COL4A1: variants seen among roughly 807,000 people sequenced by gnomAD.
The protein encoded by COL4A1 is collagen type IV alpha 1 chain.
Under a neutral mutation model 216.6 loss-of-function variants are expected in COL4A1, and 40 were observed. The ratio of observed to expected loss-of-function variants is 0.18; its 90% CI spans 0.14 to 0.24. The LOEUF (loss-of-function observed/expected upper bound fraction) is 0.24. Ranked by LOEUF, COL4A1 falls within the 10% of genes least tolerant of loss-of-function variation. COL4A1 has a pLI of 1.00. For missense variants in COL4A1, 1,628 were observed against 2,196.8 expected, an observed-to-expected ratio of 0.74 and a Z score of 5.18; for synonymous variants, 839 against 810.7, an observed-to-expected ratio of 1.03 and a Z score of -0.59.
intron 1 of COL4A1, among the ~76,000 whole-genome samples, chr13:110,252,854 C>A (rs1211088360): frequency 8.2e-6 from 1 of 121,710 alleles, no homozygotes; most frequent in Non-Finnish European, 1.6e-5. Context: ...ACTATAAGTA[C>A]GTATGTATTA....
intron 41 of COL4A1, among the ~76,000 whole-genome samples, chr13:110,172,247 G>GCTCTC (rs986942721): frequency 2.6e-5 from 4 of 152,222 alleles, no homozygotes; most frequent in Admixed American, 2.0e-4. Flanking sequence ...GAAATGCTCA[G>GCTCTC]CTCTCTGAGA....
chr13:110,253,957 C>T lies in COL4A1; in HGVS notation c.85-11223G>A, dbSNP rs1383286777. ...GAAGGTTTGTAAAAGAAATGCGCTACAGGTTGAATATTCCTAACCCCAAAA... is the reference window on the plus strand; with the variant it reads ...GAAGGTTTGTAAAAGAAATGCGCTATAGGTTGAATATTCCTAACCCCAAAA... On this transcript the variant is annotated intron_variant, in intron 1 of 51. Coordinates refer to ENST00000375820, the MANE Select transcript of COL4A1 (RefSeq NM_001845.6). 2.0e-5 allele frequency among the ~76,000 whole-genome samples: 3 copies of T among 152,038 alleles called. No homozygotes were observed. The South Asian group carries it at 6.2e-4, about 32-fold the overall frequency.
At chr13:110,258,426 G>A (rs551920973) in intron 1 of COL4A1, among the ~76,000 whole-genome samples, 2 of 152,284 alleles carry the variant, frequency 1.3e-5, no homozygotes, top group African/African-American at 4.8e-5. Flanking sequence ...TGTAGTCCCA[G>A]ATACTCGGGC....
chr13:110,191,964 G>A (rs910682069), intron 24 of COL4A1, among the ~76,000 whole-genome samples: 1 of 152,188 alleles, frequency 6.6e-6, no homozygotes, highest in African/African-American at 2.4e-5. Context: ...ACACAGGTCG[G>A]CAGCAGCCGA....
chr13:110,183,059 G>T lies in COL4A1; in HGVS notation c.2029C>A (p.Leu677Met). 6.2e-7 allele frequency: 1 copy of T among 1,613,378 alleles called. No individual in the cohort carries two copies. The highest frequency in any genetic ancestry group is 1.7e-5 in the Admixed American group (1 of 59,974). ...GFPGTPGRPG[L>M]PGEKGAVGQP... is the part of the protein sequence containing the mutation. ...CCCACAGCGCCCTTCTCTCCTGGCA[G>T]GCCTGGCCTTCCTGGGGTTCCGGGA... is the stretch of plus-strand genomic sequence containing the variant. The change falls in exon 28 of 52, where the codon CTG (leucine) becomes ATG (methionine). Residue 677 changes from leucine to methionine, a missense_variant. Physicochemically the swap from Leu to Met is conservative, Grantham distance 15. Transcript: ENST00000375820.
intron 49 of COL4A1, among the ~76,000 whole-genome samples, chr13:110,157,537 C>T (rs117521826): frequency 6.6e-6 from 1 of 152,296 alleles, no homozygotes; most frequent in Admixed American, 6.5e-5. Context: ...AGCCTCTCTA[C>T]GAGAGGGAAG....
chr13:110,177,915 C>G lies in COL4A1; in HGVS notation c.2643G>C (p.Met881Ile). Residue 881 changes from methionine (M) to isoleucine (I), a missense_variant, in exon 33 of 52, where the codon ATG becomes ATC. Physicochemically the swap from Met to Ile is conservative, Grantham distance 10. Around this residue, in one of 8 missense-constraint regions of COL4A1, gnomAD observed 701 missense variants for 892.5 expected, o/e 0.79. Transcript: ENST00000375820. The part of the protein sequence containing the change: ...IPGFPGSKGE[M>I]GVMGTPGQPG... The stretch of plus-strand genomic sequence containing the variant: ...GCTGCCCGGGGGTCCCCATGACGCC[C>G]ATTTCTCCCTTGGAACCTGTGGCCA... The G allele has an allele frequency of 6.2e-7, 1 of 1,614,148 alleles. No individual in the cohort carries two copies. Among genetic ancestry groups the G allele is most frequent in the Non-Finnish European group, 8.5e-7 (1 of 1,180,024 alleles).
chr13:110,160,731 C>G (rs1392995216), intron 49 of COL4A1, among the ~76,000 whole-genome samples: 1 of 152,148 alleles, frequency 6.6e-6, no homozygotes, highest in Non-Finnish European at 1.5e-5. Flanking sequence ...CTTTTTGAGA[C>G]AGGTTCTCAC....
chr13:110,273,249 G>A (rs1468447346), intron 1 of COL4A1, among the ~76,000 whole-genome samples: 1 of 152,216 alleles, frequency 6.6e-6, no homozygotes, highest in Non-Finnish European at 1.5e-5. Flanking sequence ...ATGGAGAAAA[G>A]TGGAGAAGGT....
At chr13:110,220,620 C>G (rs1880428032) in intron 2 of COL4A1, among the ~76,000 whole-genome samples, 1 of 152,132 alleles carries the variant, frequency 6.6e-6, no homozygotes. Context: ...CTTGTCCTGC[C>G]TCTTCTAAAG....
chr13:110,254,434 T>G (rs1028995150), intron 1 of COL4A1, among the ~76,000 whole-genome samples: 1 of 152,172 alleles, frequency 6.6e-6, no homozygotes, highest in African/African-American at 2.4e-5. Context: ...GGCTTTGCTC[T>G]GAGGAAGACA....
rs545031836 is a variant in COL4A1, at chr13:110,209,529, T to C, written c.616-102A>G. 107 of 902,388 alleles carry C rather than the reference T, an allele frequency of 1.2e-4. No individual in the cohort carries two copies. The South Asian group carries it at 1.6e-3, about 13-fold the overall frequency. 55.9% of individuals were successfully genotyped at this position (902,388 alleles called of 1,614,324 possible). A position where few individuals can be genotyped will look rare whatever the true frequency, so the allele number is the denominator to read the frequency against. The stretch of plus-strand genomic sequence containing the variant: ...TCTTAAGATTCTCTGGTCAACATGA[T>C]AATTTATTTGTGAAATATTTTTCCT... On this transcript the variant is annotated intron_variant, in intron 10 of 51. Transcript: ENST00000375820.
chr13:110,298,383 T>C lies in COL4A1; in HGVS notation c.84+8561A>G, dbSNP rs150792489. 2.5e-3 allele frequency among the ~76,000 whole-genome samples: 376 copies of C among 152,332 alleles called. 3 individuals are homozygous for C. Among genetic ancestry groups the C allele is most frequent in the Non-Finnish European group, 4.1e-3 (282 of 68,024 alleles). On this transcript the variant is annotated intron_variant, in intron 1 of 51. Transcript: ENST00000375820. ...CAAGAAGATCGCCCACTACATATCC[T>C]ACGTAATAAAAACCGTGTCATCCCC...
chr13:110,172,963 T>C (rs1877713410), intron 40 of COL4A1, among the ~76,000 whole-genome samples, 193 bp from the exon 41 acceptor site: 2 of 152,232 alleles, frequency 1.3e-5, no homozygotes, highest in South Asian at 4.1e-4. Flanking sequence ...GTTCCTAATT[T>C]AGTACTTTTT....
At chr13:110,272,678 C>T (rs1460376336) in intron 1 of COL4A1, among the ~76,000 whole-genome samples, 1 of 152,238 alleles carries the variant, frequency 6.6e-6, no homozygotes, top group African/African-American at 2.4e-5. Flanking sequence ...AGGCCAGTAC[C>T]TAACACTAGT....
intron 1 of COL4A1, among the ~76,000 whole-genome samples, chr13:110,255,556 G>A (rs1437547956): frequency 6.7e-5 from 6 of 89,146 alleles, no homozygotes; most frequent in African/African-American, 2.7e-4. Flanking sequence ...GAAGGGAAGG[G>A]GGCAGGCAGG....
In COL4A1 at chr13:110,211,403, A is replaced by G. The variant is rs899368009; in HGVS notation, c.468+244T>C. Among the ~76,000 whole-genome samples the G allele has an allele frequency of 1.3e-5, 2 of 152,206 alleles. No individual in the cohort carries two copies. The highest frequency in any genetic ancestry group is 2.9e-5 in the Non-Finnish European group (2 of 68,034). ...TTGGGTGAAGTGAGCCTTCGCCACC[A>G]CACCAGGCCTCCTTCCGCTGCTTAT... is the stretch of plus-strand genomic sequence containing the variant. On this transcript the variant is annotated intron_variant, in intron 8 of 51. Transcript: ENST00000375820. This position sits in a 1 kb window ranked among gnomAD's most constrained non-coding sequence, Gnocchi z 4.3.
intron 24 of COL4A1, among the ~76,000 whole-genome samples, chr13:110,188,155 A>G (rs1878483131): frequency 6.6e-6 from 1 of 152,224 alleles, no homozygotes; most frequent in Non-Finnish European, 1.5e-5. Flanking sequence ...GTTTCCAACA[A>G]TTGTCCCATT....
chr13:110,189,252 G>A (rs1352793061), intron 24 of COL4A1, among the ~76,000 whole-genome samples: 2 of 152,166 alleles, frequency 1.3e-5, no homozygotes, highest in African/African-American at 4.8e-5. Flanking sequence ...TAGTGGAGAC[G>A]GGGTTTCTCC....
Sources: allele counts gnomAD v4.1 joint callset (sites outside exome capture counted in the v4.1 genomes callset), GRCh38; gene constraint gnomAD v4.1.1; regional missense constraint gnomAD v4.1.1; non-coding constraint Gnocchi (gnomAD v3.1); transcripts MANE v1.5; gene names NCBI Gene and HGNC (gene_info 2026-07-23, HGNC 2026-07-21).